The following MEGF6 variants were observed in gnomAD, a reference collection of about 807,000 sequenced individuals.
MEGF6 encodes the protein multiple EGF like domains 6.
MEGF6 carries 184 observed loss-of-function variants against 207.1 expected under a neutral mutation model. That is an observed-to-expected ratio of 0.89 (90% CI 0.79 to 1.00). The LOEUF is 1.00. Among genes scored for constraint, MEGF6 ranks in the 50% least tolerant of loss-of-function variants. MEGF6 has a pLI of 0.00. For synonymous variants in MEGF6, 1,038 were observed against 910.0 expected (o/e 1.14, Z -2.53); for missense variants, 2,282 against 2,202.9 (o/e 1.04, Z -0.72).
At position 3,492,676 on chromosome 1, in the gene MEGF6, G is replaced by A; in HGVS notation, c.4479C>T (p.His1493=). The A allele has an allele frequency of 6.2e-7, 1 of 1,612,644 alleles. No homozygotes were observed. The highest frequency in any genetic ancestry group is 8.5e-7 in the Non-Finnish European group (1 of 1,179,852). The change falls in exon 35 of 37, where the codon CAC becomes CAT. Residue 1493 remains histidine (H), a synonymous_variant. Transcript: ENST00000356575. ...ADCDPVSGQC[H]CVDGYMGPTC... Reference sequence around the variant, plus strand: ...TGGGCCCCATGTAGCCATCCACACAGTGACACTGCCCACTGACAGGGTCGC... The same window carrying A: ...TGGGCCCCATGTAGCCATCCACACAATGACACTGCCCACTGACAGGGTCGC...
chr1:3,544,200 C>A (rs191182194), intron 4 of MEGF6, among the ~76,000 whole-genome samples: 1 of 150,908 alleles, frequency 6.6e-6, no homozygotes, highest in Non-Finnish European at 1.5e-5. Flanking sequence ...CCCTCTCCCC[C>A]CAGCGTCGCA....
At chr1:3,492,240 C>T (rs1640404352) in intron 35 of MEGF6, among the ~76,000 whole-genome samples, 1 of 152,150 alleles carries the variant, frequency 6.6e-6, no homozygotes, top group Non-Finnish European at 1.5e-5. Flanking sequence ...CCCTGGTGCA[C>T]GTGTATGGGG....
Position 3,510,920 on chromosome 1 carries a change from C to T in MEGF6, c.1115-18G>A, listed in dbSNP as rs373073893. The stretch of plus-strand genomic sequence containing the variant: ...GTCGACATCTGTGGAGCACACGCCA[C>T]GGGCCCCCTGGTACCAGGCACCTGC... On this transcript the variant is annotated intron_variant, in intron 9 of 36. Coordinates refer to ENST00000356575, the MANE Select transcript of MEGF6 (RefSeq NM_001409.4). 7.8e-5 allele frequency: 124 copies of T among 1,590,008 alleles called. No individual in the cohort carries two copies. The highest frequency in any genetic ancestry group is 6.7e-5 in the South Asian group (6 of 89,894).
chr1:3,528,953 C>A (rs1642056567), intron 4 of MEGF6, among the ~76,000 whole-genome samples: 2 of 150,818 alleles, frequency 1.3e-5, no homozygotes, highest in South Asian at 4.2e-4. Flanking sequence ...GCAGAAGATA[C>A]CACTGTCGTC....
chr1:3,615,692 C>G (rs1039536877), upstream of MEGF6, among the ~76,000 whole-genome samples: 3 of 152,374 alleles, frequency 2.0e-5, no homozygotes, highest in East Asian at 5.8e-4. Context: ...CCCTGAGCCA[C>G]AGCACCTGGC....
intron 17 of MEGF6, among the ~76,000 whole-genome samples, chr1:3,504,101 A>G (rs1369138342): frequency 1.3e-5 from 2 of 152,060 alleles, no homozygotes; most frequent in South Asian, 2.1e-4. Flanking sequence ...GCCCCCTGGT[A>G]TGGCCCCAGG....
At chr1:3,499,068 G>A (rs1640737682) in intron 24 of MEGF6, 70 bp downstream of exon 24, 4 of 1,562,694 alleles carry the variant, frequency 2.6e-6, no homozygotes, top group Middle Eastern at 2.2e-4. Context: ...GTGTCCTGTG[G>A]GCCCTGCAAG....
intron 7 of MEGF6, among the ~76,000 whole-genome samples, chr1:3,513,577 CTTTTTTTTTTTTTTTTTT>C (rs757815891): frequency 1.8e-5 from 1 of 56,566 alleles, no homozygotes; most frequent in African/African-American, 7.4e-5. Context: ...CACACCTGGG[CTTTTTTTTTTTTTTTTTT>C]TTTTTTTTTT....
chr1:3,553,468 G>A (rs1642945769), intron 4 of MEGF6, among the ~76,000 whole-genome samples: 1 of 152,186 alleles, frequency 6.6e-6, no homozygotes, highest in South Asian at 2.1e-4. Flanking sequence ...TCACCATGCA[G>A]GATAGAGGCT....
the MEGF6 span, among the ~76,000 whole-genome samples, chr1:3,618,663 GC>G: frequency 5.3e-5 from 8 of 152,196 alleles, no homozygotes; most frequent in Admixed American, 5.2e-4. The surrounding 1 kb of genome is among the most constrained non-coding windows in gnomAD (Gnocchi z 4.7). Context: ...GTCATGACTT[GC>G]CAAAGAGTAA....
chr1:3,509,202 G>T lies in MEGF6; in HGVS notation c.1401C>A (p.Phe467Leu). ...PMVDLDGELP[F>L]VRPLPHIAVL... is the part of the protein sequence containing the mutation. ...CGGCAATGTGGGGCAGGGGCCGCAC[G>T]AAAGGCAGCTCGCCGTCCAGGTCCA... Residue 467 changes from phenylalanine to leucine, a missense_variant, in exon 12 of 37, where the codon TTC becomes TTA. Coordinates refer to ENST00000356575, the MANE Select transcript of MEGF6 (RefSeq NM_001409.4). 6.4e-7 allele frequency: 1 copy of T among 1,562,996 alleles called. No homozygotes were observed.
chr1:3,596,421 C>T (rs1260067896), intron 2 of MEGF6, among the ~76,000 whole-genome samples: 12 of 151,776 alleles, frequency 7.9e-5, no homozygotes, highest in South Asian at 2.1e-4. Context: ...CCACAAAGCC[C>T]GGCCACCTCA....
chr1:3,567,388 T>C (rs1643373531), intron 4 of MEGF6, among the ~76,000 whole-genome samples: 1 of 152,224 alleles, frequency 6.6e-6, no homozygotes, highest in African/African-American at 2.4e-5. Flanking sequence ...GCCCCAGTCT[T>C]GGGCATAGCT....
chr1:3,492,872 A>G, intron 34 of MEGF6, 105 bp from the exon 35 acceptor site: 1 of 1,475,930 alleles, frequency 6.8e-7, no homozygotes, highest in South Asian at 1.3e-5. Context: ...GGTGGAGTGA[A>G]GCCTTCTGCC....
chr1:3,548,217 C>G (rs1005730095), intron 4 of MEGF6, among the ~76,000 whole-genome samples: 1 of 152,222 alleles, frequency 6.6e-6, no homozygotes, highest in African/African-American at 2.4e-5. Flanking sequence ...CACCAGCACC[C>G]CAGACAGACG....
At chr1:3,503,524 G>A (rs1214518237) in intron 17 of MEGF6, among the ~76,000 whole-genome samples, 1 of 152,076 alleles carries the variant, frequency 6.6e-6, no homozygotes, top group East Asian at 1.9e-4. Flanking sequence ...CAGGAACTGG[G>A]GGCTCCGGGA....
At chr1:3,495,521 G>A (rs1009413906) in intron 30 of MEGF6, among the ~76,000 whole-genome samples, 1 of 152,198 alleles carries the variant, frequency 6.6e-6, no homozygotes, top group Non-Finnish European at 1.5e-5. Context: ...GGGCCAGAAG[G>A]ACTCCACCCT....
Position 3,595,430 on chromosome 1 carries a change from C to T in MEGF6, c.284G>A (p.Gly95Asp), listed in dbSNP as rs145129589. ...CTCCGTGGTATACACCTGCCTGTAG[C>T]CCATGTAGTAGACGGTTCTAGAAAG... ...GHERRTVYYM[G>D]YRQVYTTEAR... The change falls in exon 3 of 37, where the codon GGC becomes GAC. Residue 95 changes from glycine (G) to aspartate (D), a missense_variant. By Grantham distance (94) the Gly-to-Asp change is moderately conservative. Transcript: ENST00000356575. 69 of 1,612,584 alleles carry T rather than the reference C, an allele frequency of 4.3e-5. No individual in the cohort carries two copies. The African/African-American group carries it at 8.8e-4, about 21-fold the overall frequency.
At chr1:3,512,261 C>G (rs1415809603) in intron 7 of MEGF6, 133 bp from the exon 8 acceptor site, 13 of 1,217,496 alleles carry the variant, frequency 1.1e-5, no homozygotes. Flanking sequence ...CAAGGCCAAT[C>G]CCACTGTCCC....
Sources: allele counts gnomAD v4.1 joint callset (sites outside exome capture counted in the v4.1 genomes callset), GRCh38; gene constraint gnomAD v4.1.1; non-coding constraint Gnocchi (gnomAD v3.1); transcripts MANE v1.5; gene names NCBI Gene and HGNC (gene_info 2026-07-23, HGNC 2026-07-21).